KCNJ6: variants seen among roughly 807,000 people sequenced by gnomAD.
KCNJ6 encodes the protein G protein-activated inward rectifier potassium channel 2.
KCNJ6 carries 9 observed loss-of-function variants against 34.2 expected under a neutral mutation model. The ratio of observed to expected loss-of-function variants is 0.26; its 90% CI spans 0.16 to 0.46. The LOEUF is 0.46. Ranked by LOEUF, KCNJ6 falls within the 20% of genes least tolerant of loss-of-function variation. The pLI, the probability that KCNJ6 is intolerant of heterozygous loss-of-function variation, is 1.00. For synonymous variants in KCNJ6, 196 were observed against 207.1 expected (o/e 0.95, Z 0.46); for missense variants, 236 against 531.3 (o/e 0.44, Z 5.46).
rs938614601 is a variant in KCNJ6, at chr21:37,617,058, T to A, written c.*8101A>T. 1 of 54,416 alleles carries A rather than the reference T, an allele frequency of 1.8e-5. No individual in the cohort carries two copies. Among genetic ancestry groups the A allele is most frequent in the Non-Finnish European group, 3.9e-5 (1 of 25,396 alleles). The allele number at this position is 54,416 out of a possible 1,614,324, so 3.4% of individuals were successfully genotyped here. On this transcript the variant is annotated 3_prime_UTR_variant, in exon 4 of 4. Coordinates refer to ENST00000609713, the MANE Select transcript of KCNJ6 (RefSeq NM_002240.5). ...TTTCTTTCTTTCTTTCTTTCTTTTC[T>A]TTTCTTTTCTTTTCTTTTCTTTCTT... is the stretch of plus-strand genomic sequence containing the variant.
chr21:37,678,761 C>A (rs1389656623), intron 3 of KCNJ6, among the ~76,000 whole-genome samples: 1 of 152,062 alleles, frequency 6.6e-6, no homozygotes, highest in Non-Finnish European at 1.5e-5. Flanking sequence ...GCTGAGAGAC[C>A]CACGTAAACT....
At chr21:37,790,924 C>T (rs1182044546) in intron 2 of KCNJ6, among the ~76,000 whole-genome samples, 1 of 152,234 alleles carries the variant, frequency 6.6e-6, no homozygotes, top group Non-Finnish European at 1.5e-5. Flanking sequence ...AAGGGCTCCA[C>T]AATTACATTT....
intron 1 of KCNJ6, among the ~76,000 whole-genome samples, chr21:37,848,203 G>A (rs2055519685): frequency 1.3e-5 from 2 of 152,192 alleles, no homozygotes; most frequent in South Asian, 4.1e-4. Flanking sequence ...CAAGGAAGAT[G>A]GTGGGAGATG....
chr21:37,678,110 C>T (rs915560272), intron 3 of KCNJ6, among the ~76,000 whole-genome samples: 7 of 152,038 alleles, frequency 4.6e-5, no homozygotes, highest in African/African-American at 1.7e-4. Context: ...AGCCGGCTAA[C>T]TTGGCGGGTG....
intron 3 of KCNJ6, among the ~76,000 whole-genome samples, chr21:37,693,724 A>G (rs2054650876): frequency 6.6e-6 from 1 of 152,236 alleles, no homozygotes; most frequent in Non-Finnish European, 1.5e-5. Flanking sequence ...CAAATGGTCT[A>G]ATAGATTAAA....
intron 2 of KCNJ6, among the ~76,000 whole-genome samples, chr21:37,796,302 C>T (rs1020277274): frequency 2.6e-5 from 4 of 151,998 alleles, no homozygotes; most frequent in East Asian, 3.9e-4. Flanking sequence ...GGAAACAAAG[C>T]GAAATTAGAG....
rs1404268841 is a variant in KCNJ6 at position 37,714,329 on chromosome 21, C to T, written c.828G>A (p.Pro276=). Residue 276 remains proline, a synonymous_variant, in exon 3 of 4, where the codon CCG becomes CCA. Transcript: ENST00000609713. The surrounding 1 kb of genome is among the most constrained non-coding windows in gnomAD (Gnocchi z 5.9). ...TGDDRLFLVS[P]LIISHEINQQ... ...GGTTAATTTCATGGCTAATGATCAG[C>T]GGTGACACCAGAAACAGACGGTCAT... 1.8e-5 allele frequency: 29 copies of T among 1,613,878 alleles called. No individual in the cohort carries two copies. Among genetic ancestry groups the T allele is most frequent in the African/African-American group, 4.0e-5 (3 of 74,870 alleles).
intron 2 of KCNJ6, among the ~76,000 whole-genome samples, chr21:37,795,756 A>T (rs1264659691): frequency 6.6e-6 from 1 of 151,622 alleles, no homozygotes; most frequent in Non-Finnish European, 1.5e-5. Context: ...AACAAAAAAA[A>T]ACCCTGCCAC....
chr21:37,865,753 A>C (rs757759867), intron 1 of KCNJ6, among the ~76,000 whole-genome samples: 7 of 152,196 alleles, frequency 4.6e-5, no homozygotes, highest in Non-Finnish European at 8.8e-5. Flanking sequence ...GTGACTGGGG[A>C]CTTCAACACC....
chr21:37,623,445 G>C lies in KCNJ6; in HGVS notation c.*1714C>G, dbSNP rs1473572234. 6.6e-6 allele frequency: 1 copy of C among 152,214 alleles called. No homozygotes were observed. Among genetic ancestry groups the C allele is most frequent in the African/African-American group, 2.4e-5 (1 of 41,440 alleles). 9.4% of individuals were successfully genotyped at this position (152,214 alleles called of 1,614,324 possible). A position where few individuals can be genotyped will look rare whatever the true frequency, so the allele number is the denominator to read the frequency against. Reference sequence around the variant, plus strand: ...TTGGATCCATTCAATGAATATTTATGATGGGCAACTGTGTTAAAGAACAAA... The same window carrying C: ...TTGGATCCATTCAATGAATATTTATCATGGGCAACTGTGTTAAAGAACAAA... On this transcript the variant is annotated 3_prime_UTR_variant, in exon 4 of 4. Transcript: ENST00000609713.
At chr21:37,778,818 A>C (rs2055155700) in intron 2 of KCNJ6, among the ~76,000 whole-genome samples, 2 of 144,788 alleles carry the variant, frequency 1.4e-5, no homozygotes, top group African/African-American at 2.6e-5. Context: ...TTCTTGGAGC[A>C]CCCCCTCCTT....
At chr21:37,855,011 A>T (rs1171516089) in intron 1 of KCNJ6, among the ~76,000 whole-genome samples, 1 of 152,238 alleles carries the variant, frequency 6.6e-6, no homozygotes, top group Non-Finnish European at 1.5e-5. Context: ...CAACAGGATC[A>T]AATCAATGTT....
chr21:37,842,190 A>T (rs1041707288), intron 1 of KCNJ6, among the ~76,000 whole-genome samples: 1 of 152,126 alleles, frequency 6.6e-6, no homozygotes, highest in Non-Finnish European at 1.5e-5. Flanking sequence ...TTCCCATGTC[A>T]TCGTTATGAA....
intron 2 of KCNJ6, among the ~76,000 whole-genome samples, chr21:37,739,706 T>C (rs2054930546): frequency 6.6e-6 from 1 of 152,022 alleles, no homozygotes; most frequent in Non-Finnish European, 1.5e-5. Context: ...TTGTGCCTGA[T>C]TGGAGAAGCT....
At chr21:37,896,760 C>T (rs1401410637) in intron 1 of KCNJ6, among the ~76,000 whole-genome samples, 3 of 152,144 alleles carry the variant, frequency 2.0e-5, no homozygotes, top group Non-Finnish European at 4.4e-5. Context: ...GAGGAAGAGA[C>T]AAGCTGACAG....
intron 3 of KCNJ6, among the ~76,000 whole-genome samples, chr21:37,638,431 G>A (rs2054367256): frequency 6.6e-6 from 1 of 152,170 alleles, no homozygotes; most frequent in South Asian, 2.1e-4. Context: ...ACAGGTGTGA[G>A]CCACCGCTCC....
At chr21:37,865,368 T>C (rs2055617510) in intron 1 of KCNJ6, among the ~76,000 whole-genome samples, 1 of 152,226 alleles carries the variant, frequency 6.6e-6, no homozygotes, top group South Asian at 2.1e-4. Context: ...CCGTATATAC[T>C]GTTTTTTTGC....
chr21:37,655,218 TGTGTGTGAGAGAGAGAGAGAGAGAGA>T (rs1569438931), intron 3 of KCNJ6, among the ~76,000 whole-genome samples: 10 of 13,944 alleles, frequency 7.2e-4, no homozygotes, highest in South Asian at 1.7e-3. Context: ...TGTGTGTGTG[TGTGTGTGAGAGAGAGAGAGAGAGAGA>T]GAGAGAGAGA....
chr21:37,637,724 C>T (rs867795388), intron 3 of KCNJ6, among the ~76,000 whole-genome samples: 7 of 152,154 alleles, frequency 4.6e-5, no homozygotes, highest in African/African-American at 1.2e-4. Flanking sequence ...ATGACTGTAT[C>T]TGGAGAACTG....
Sources: allele counts gnomAD v4.1 joint callset (sites outside exome capture counted in the v4.1 genomes callset), GRCh38; gene constraint gnomAD v4.1.1; non-coding constraint Gnocchi (gnomAD v3.1); transcripts MANE v1.5; gene names NCBI Gene and HGNC (gene_info 2026-07-23, HGNC 2026-07-21).